GRIK1: variants seen among roughly 807,000 people sequenced by gnomAD.
GRIK1 encodes glutamate ionotropic receptor kainate type subunit 1.
GRIK1 carries 69 observed loss-of-function variants against 105.7 expected under a neutral mutation model. The ratio of observed to expected loss-of-function variants is 0.65; its 90% CI spans 0.54 to 0.80. The LOEUF is 0.80. Ranked by LOEUF, GRIK1 falls within the 30% of genes least tolerant of loss-of-function variation. The pLI is 0.00. For missense variants in GRIK1, 1,109 were observed against 1,167.3 expected (o/e 0.95, Z 0.73); for synonymous variants, 438 against 431.3 (o/e 1.02, Z -0.19).
intron 1 of GRIK1, among the ~76,000 whole-genome samples, chr21:29,849,907 A>G (rs1220208877): frequency 6.6e-6 from 1 of 152,136 alleles, no homozygotes; most frequent in Non-Finnish European, 1.5e-5. Flanking sequence ...GGTGCCTCTA[A>G]GAGAGAATGA....
chr21:29,755,525 G>A (rs1055365763), intron 1 of GRIK1, among the ~76,000 whole-genome samples: 2 of 152,222 alleles, frequency 1.3e-5, no homozygotes, highest in African/African-American at 4.8e-5. Flanking sequence ...GGTTTAAATT[G>A]CTTGTCCTGG....
At chr21:29,680,451 C>T (rs1303823932) in intron 3 of GRIK1, among the ~76,000 whole-genome samples, 1 of 152,160 alleles carries the variant, frequency 6.6e-6, no homozygotes, top group African/African-American at 2.4e-5. Flanking sequence ...CTATAGGAGC[C>T]ATCTGGCAGG....
At chr21:29,667,575 G>A (rs2063084954) in intron 4 of GRIK1, among the ~76,000 whole-genome samples, 1 of 152,152 alleles carries the variant, frequency 6.6e-6, no homozygotes, top group Non-Finnish European at 1.5e-5. Flanking sequence ...CTCAATTATA[G>A]CTAAATATTC....
chr21:29,838,047 T>C (rs911498538), intron 1 of GRIK1, among the ~76,000 whole-genome samples: 1 of 152,338 alleles, frequency 6.6e-6, no homozygotes, highest in Middle Eastern at 3.4e-3. Context: ...AAATTTTATC[T>C]ATATGTTTCT....
At chr21:29,656,292 C>A (rs544659166) in intron 4 of GRIK1, among the ~76,000 whole-genome samples, 2 of 126,652 alleles carry the variant, frequency 1.6e-5, no homozygotes, top group African/African-American at 5.8e-5. Flanking sequence ...AACCCGGGGG[C>A]GGAGCTTACA....
intron 1 of GRIK1, among the ~76,000 whole-genome samples, chr21:29,891,922 T>G (rs2069915270): frequency 6.6e-6 from 1 of 152,216 alleles, no homozygotes; most frequent in South Asian, 2.1e-4. Flanking sequence ...ACTGAACACA[T>G]ATCTTGTTAT....
At chr21:29,628,724 C>T (rs1472839066) in intron 7 of GRIK1, among the ~76,000 whole-genome samples, 4 of 152,136 alleles carry the variant, frequency 2.6e-5, no homozygotes, top group Non-Finnish European at 5.9e-5. Flanking sequence ...GAATGGGGCT[C>T]TTGTCTAATT....
At chr21:29,886,783 C>T (rs185912959) in intron 1 of GRIK1, among the ~76,000 whole-genome samples, 5 of 152,160 alleles carry the variant, frequency 3.3e-5, no homozygotes, top group African/African-American at 7.2e-5. Context: ...GGAGTGCATC[C>T]GTAAACATAA....
intron 2 of GRIK1, 144 bp downstream of exon 2, chr21:29,693,752 A>G: frequency 1.5e-6 from 1 of 645,570 alleles, no homozygotes; most frequent in East Asian, 2.7e-5. Flanking sequence ...GATTACACTG[A>G]TCAGTGACAT....
chr21:29,830,382 C>T (rs1185280080), intron 1 of GRIK1, among the ~76,000 whole-genome samples: 1 of 146,514 alleles, frequency 6.8e-6, no homozygotes, highest in Non-Finnish European at 1.5e-5. Flanking sequence ...TATTCTTATA[C>T]AAAACAAAGG....
At chr21:29,725,096 C>A (rs77363677) in intron 1 of GRIK1, among the ~76,000 whole-genome samples, 2,422 of 151,674 alleles carry the variant, frequency 0.016, 66 homozygotes, top group African/African-American at 0.056. Flanking sequence ...ACTCAGTCAA[C>A]GCTCCCTCCA....
chr21:29,780,565 T>A (rs916856580), intron 1 of GRIK1, among the ~76,000 whole-genome samples: 1 of 152,150 alleles, frequency 6.6e-6, no homozygotes, highest in Non-Finnish European at 1.5e-5. Context: ...TTGCTAGGTA[T>A]CCCTGCCTGC....
chr21:29,858,390 T>C (rs1278316284), intron 1 of GRIK1, among the ~76,000 whole-genome samples: 2 of 152,152 alleles, frequency 1.3e-5, no homozygotes, highest in Non-Finnish European at 2.9e-5. Context: ...AGGTCCTATG[T>C]CAGGGGCTCC....
chr21:29,827,346 A>G (rs1027385962), intron 1 of GRIK1, among the ~76,000 whole-genome samples: 4 of 152,148 alleles, frequency 2.6e-5, no homozygotes, highest in Non-Finnish European at 4.4e-5. Context: ...GGAAAATGAG[A>G]GTTTTATGAA....
At position 29,939,470 on chromosome 21, in the gene GRIK1, C is replaced by T. The variant is rs1195663873; in HGVS notation, c.31G>A (p.Gly11Arg). The change falls in exon 1 of 18, where the codon GGG (glycine) becomes AGG (arginine). Residue 11 changes from glycine (G) to arginine (R), a missense_variant. Physicochemically the swap from Gly to Arg is moderately radical, Grantham distance 125 (BLOSUM62 -2). Transcript: ENST00000327783. MEHGTLLAQP[G>R]LWTRDTSWAL... is the part of the protein sequence containing the mutation. ...CAGCTGGTGTCCCTGGTCCAGAGCCCGGGCTGGGCGAGGAGTGTGCCGTGC... is the reference window on the plus strand; with the variant it reads ...CAGCTGGTGTCCCTGGTCCAGAGCCTGGGCTGGGCGAGGAGTGTGCCGTGC... 7 of 1,597,904 alleles carry T rather than the reference C, an allele frequency of 4.4e-6. No individual in the cohort carries two copies. Among genetic ancestry groups the T allele is most frequent in the Non-Finnish European group, 6.0e-6 (7 of 1,172,124 alleles).
At chr21:29,775,586 A>G (rs2065922992) in intron 1 of GRIK1, among the ~76,000 whole-genome samples, 1 of 152,104 alleles carries the variant, frequency 6.6e-6, no homozygotes, top group South Asian at 2.1e-4. Context: ...CCTTCTTCCA[A>G]ACCAGAAAGG....
intron 4 of GRIK1, chr21:29,657,793 A>C (rs1321587867): frequency 6.6e-6 from 1 of 152,220 alleles, no homozygotes; most frequent in Non-Finnish European, 1.5e-5. Context: ...CTGTCGTCTA[A>C]TTGTCGCATA....
At chr21:29,889,681 A>G (rs1338527808) in intron 1 of GRIK1, among the ~76,000 whole-genome samples, 1 of 152,114 alleles carries the variant, frequency 6.6e-6, no homozygotes, top group Non-Finnish European at 1.5e-5. Context: ...ATCATCTCAT[A>G]TTTTAGAAAC....
At chr21:29,715,244 C>T (rs1044665603) in intron 1 of GRIK1, among the ~76,000 whole-genome samples, 2 of 152,148 alleles carry the variant, frequency 1.3e-5, no homozygotes, top group Admixed American at 6.5e-5. Context: ...TGGGGATTCA[C>T]TAGTGACTGC....
Sources: allele counts gnomAD v4.1 joint callset (sites outside exome capture counted in the v4.1 genomes callset), GRCh38; gene constraint gnomAD v4.1.1; transcripts MANE v1.5; gene names NCBI Gene and HGNC (gene_info 2026-07-23, HGNC 2026-07-21).